HSF2: variants seen among roughly 807,000 people sequenced by gnomAD.
HSF2 encodes heat shock transcription factor 2.
Under a neutral mutation model 65.0 loss-of-function variants are expected in HSF2, and 21 were observed. That is an observed-to-expected ratio of 0.32 (90% confidence interval 0.23 to 0.47). HSF2 has a LOEUF of 0.47. Ranked by LOEUF, HSF2 falls within the 20% of genes least tolerant of loss-of-function variation. The pLI is 1.00. For missense variants in HSF2, 499 were observed against 628.1 expected (o/e 0.79, Z 2.20); for synonymous variants, 225 against 219.1 (o/e 1.03, Z -0.24).
At chr6:122,423,028 T>C (rs1340333252) in intron 9 of HSF2, 71 bp downstream of exon 9, 33 of 1,532,718 alleles carry the variant, frequency 2.2e-5, no homozygotes, top group Non-Finnish European at 2.9e-5. Flanking sequence ...CTGTTTCTCT[T>C]TGAGTAATCT....
At chr6:122,402,279 C>G (rs1773755424) in intron 1 of HSF2, among the ~76,000 whole-genome samples, 1 of 152,196 alleles carries the variant, frequency 6.6e-6, no homozygotes, top group Admixed American at 6.5e-5. Flanking sequence ...ATGGACAATT[C>G]TGAATAAATG....
intron 1 of HSF2, among the ~76,000 whole-genome samples, chr6:122,409,619 TTAATC>T (rs375561101): frequency 4.6e-5 from 7 of 152,008 alleles, no homozygotes; most frequent in African/African-American, 1.4e-4. Context: ...GGTTGTAAAT[TTAATC>T]TAATAAGGGA....
intron 4 of HSF2, among the ~76,000 whole-genome samples, chr6:122,415,137 C>G (rs988371352): frequency 6.6e-6 from 1 of 152,060 alleles, no homozygotes; most frequent in Non-Finnish European, 1.5e-5. Flanking sequence ...CTCCGTGCTG[C>G]GAACATTTAA....
At chr6:122,400,818 T>G (rs955050930) in intron 1 of HSF2, among the ~76,000 whole-genome samples, 1 of 152,234 alleles carries the variant, frequency 6.6e-6, no homozygotes, top group Non-Finnish European at 1.5e-5. Flanking sequence ...TTGTAGATGA[T>G]CACCTATTGA....
chr6:122,407,240 C>T (rs780072539), intron 1 of HSF2, among the ~76,000 whole-genome samples: 36 of 152,276 alleles, frequency 2.4e-4, no homozygotes, highest in Non-Finnish European at 3.2e-4. Flanking sequence ...TCTTGTATAT[C>T]TCTCCTGGTG....
intron 10 of HSF2, among the ~76,000 whole-genome samples, chr6:122,424,631 A>T (rs1054369581): frequency 2.0e-5 from 3 of 152,002 alleles, no homozygotes; most frequent in African/African-American, 7.2e-5. Context: ...CTTTCTTTGA[A>T]GATTTCTTTT....
chr6:122,423,269 CAAAG>C (rs1774275357), intron 9 of HSF2, among the ~76,000 whole-genome samples: 1 of 151,948 alleles, frequency 6.6e-6, no homozygotes, highest in South Asian at 2.1e-4. Flanking sequence ...GTACTTATAA[CAAAG>C]AAAACTTAAT....
At chr6:122,402,651 C>G (rs1426134372) in intron 1 of HSF2, among the ~76,000 whole-genome samples, 1 of 151,842 alleles carries the variant, frequency 6.6e-6, no homozygotes, top group African/African-American at 2.4e-5. Context: ...CTCCTGGGCT[C>G]AAACGATTCT....
chr6:122,406,965 G>A (rs1773881107), intron 1 of HSF2, among the ~76,000 whole-genome samples: 1 of 152,168 alleles, frequency 6.6e-6, no homozygotes, highest in African/African-American at 2.4e-5. Context: ...AGGTGGTTGA[G>A]TATAAGACTT....
intron 5 of HSF2, among the ~76,000 whole-genome samples, chr6:122,417,852 C>T (rs1774156992): frequency 6.6e-6 from 1 of 152,146 alleles, no homozygotes; most frequent in Non-Finnish European, 1.5e-5. Context: ...TCATAGATAT[C>T]TTTAAGCTTA....
At chr6:122,417,124 G>A (rs3778348) in intron 5 of HSF2, among the ~76,000 whole-genome samples, 20,113 of 151,780 alleles carry the variant, frequency 0.13, 1,432 homozygotes, top group East Asian at 0.21. Flanking sequence ...GCAGCCTGTA[G>A]CCTAGTCAAC....
intron 1 of HSF2, among the ~76,000 whole-genome samples, chr6:122,408,761 T>A (rs1345207990): frequency 6.6e-6 from 1 of 152,082 alleles, no homozygotes; most frequent in Non-Finnish European, 1.5e-5. Context: ...GCAATTATCA[T>A]GGCATTCTGG....
upstream of HSF2, chr6:122,399,610 G>T (rs538035361): frequency 2.1e-4 from 150 of 711,706 alleles, 1 homozygote; most frequent in Admixed American, 4.0e-3. Context: ...TGGCGGGGTT[G>T]GGGGGGCGGG....
At chr6:122,423,174 T>TA in intron 9 of HSF2, among the ~76,000 whole-genome samples, 1 of 152,180 alleles carries the variant, frequency 6.6e-6, no homozygotes, top group Non-Finnish European at 1.5e-5. Flanking sequence ...CCTTTGATGA[T>TA]ATACTTCCTT....
intron 1 of HSF2, among the ~76,000 whole-genome samples, chr6:122,411,273 C>T (rs1488689602): frequency 6.6e-6 from 1 of 151,762 alleles, no homozygotes; most frequent in Non-Finnish European, 1.5e-5. Flanking sequence ...AATATCTACT[C>T]ACATCCTTGC....
intron 1 of HSF2, among the ~76,000 whole-genome samples, chr6:122,403,729 G>A (rs1466266334): frequency 6.6e-6 from 1 of 151,744 alleles, no homozygotes; most frequent in African/African-American, 2.4e-5. Flanking sequence ...TCCTTTAAAT[G>A]TAAAATTTTA....
intron 8 of HSF2, among the ~76,000 whole-genome samples, 162 bp from the exon 9 acceptor site, chr6:122,422,556 C>G (rs1582618018): frequency 6.6e-6 from 1 of 152,116 alleles, no homozygotes; most frequent in East Asian, 1.9e-4. Context: ...TTATGGTCTT[C>G]TATACTATGA....
intron 10 of HSF2, 127 bp downstream of exon 10, chr6:122,423,813 AT>A: frequency 2.0e-6 from 1 of 493,688 alleles, no homozygotes; most frequent in South Asian, 3.7e-5. Context: ...TAAATTAATA[AT>A]TTTGTTTATC....
rs1406810398 is a variant in HSF2, at chr6:122,399,683, C to A, written c.-55C>A. 21 of 1,475,378 alleles carry A rather than the reference C, an allele frequency of 1.4e-5. No homozygotes were observed. The highest frequency in any genetic ancestry group is 9.4e-7 in the Non-Finnish European group (1 of 1,064,492). The allele number at this position is 1,475,378 out of a possible 1,614,324, so 91.4% of individuals were successfully genotyped here. ...GGGGAGCTGCTGCCGTAGCTGCCGC[C>A]GCCGCTACCACCGCGTTCGGGTGTA... On this transcript the variant is annotated 5_prime_UTR_variant, in exon 1 of 13. Coordinates refer to ENST00000368455, the MANE Select transcript of HSF2 (RefSeq NM_004506.4).
Sources: allele counts gnomAD v4.1 joint callset (sites outside exome capture counted in the v4.1 genomes callset), GRCh38; gene constraint gnomAD v4.1.1; transcripts MANE v1.5; gene names NCBI Gene and HGNC (gene_info 2026-07-23, HGNC 2026-07-21).